The following DHDH variants were observed in gnomAD, a reference collection of about 807,000 sequenced individuals.
The protein encoded by DHDH is dihydrodiol dehydrogenase, also known as trans-1,2-dihydrobenzene-1,2-diol dehydrogenase.
In DHDH, 29 loss-of-function variants were observed where a neutral mutation model predicts 33.2. The ratio of observed to expected loss-of-function variants is 0.87; its 90% CI spans 0.65 to 1.19. The LOEUF (loss-of-function observed/expected upper bound fraction) is 1.19. Among genes scored for constraint, DHDH ranks in the 50% most tolerant of loss-of-function variants. DHDH has a pLI of 0.00. For missense variants in DHDH, 431 were observed against 455.0 expected, an observed-to-expected ratio of 0.95 and a Z score of 0.48; for synonymous variants, 201 against 187.9, an observed-to-expected ratio of 1.07 and a Z score of -0.57.
At chr19:48,939,331 C>A in intron 3 of DHDH, 118 bp from the exon 4 acceptor site, 2 of 1,222,212 alleles carry the variant, frequency 1.6e-6, no homozygotes, top group Non-Finnish European at 2.3e-6. Context: ...AAGAGGGATA[C>A]AACCTGGGGA....
In DHDH at chr19:48,935,018, C is replaced by A; in HGVS notation, c.109C>A (p.Arg37Ser). Residue 37 changes from arginine to serine, a missense_variant, in exon 2 of 7, where the codon CGC becomes AGC. Coordinates refer to ENST00000221403, the MANE Select transcript of DHDH (RefSeq NM_014475.4). ...CCTCCAGGTGGTGGCGGTGGCGGCC[C>A]GCGATCTGAGCCGTGCGAAGGAGTT... ...SEHQVVAVAA[R>S]DLSRAKEFAQ... The A allele has an allele frequency of 6.4e-7, 1 of 1,570,862 alleles. No homozygotes were observed. Among genetic ancestry groups the A allele is most frequent in the South Asian group, 1.2e-5 (1 of 83,512 alleles).
chr19:48,944,440 C>A lies in DHDH; in HGVS notation c.828C>A (p.Asp276Glu). 1 of 1,614,090 alleles carries A rather than the reference C, an allele frequency of 6.2e-7. No individual in the cohort carries two copies. Among genetic ancestry groups the A allele is most frequent in the Non-Finnish European group, 8.5e-7 (1 of 1,179,960 alleles). Reference sequence around the variant, plus strand: ...TCCCGCTGCCCCCAGTCCCAAAGGACTGCAATTTTGACAACGGGGCAGGCA... The same window carrying A: ...TCCCGCTGCCCCCAGTCCCAAAGGAATGCAATTTTGACAACGGGGCAGGCA... ...KEFPLPPVPK[D>E]CNFDNGAGMS... Residue 276 changes from aspartate to glutamate, a missense_variant, in exon 6 of 7, where the codon GAC becomes GAA. Asp to Glu is a conservative substitution (Grantham distance 45). Transcript: ENST00000221403.
intron 4 of DHDH, 41 bp downstream of exon 4, chr19:48,939,742 T>TTCTG (rs1449981708): frequency 6.5e-7 from 1 of 1,547,452 alleles, no homozygotes; most frequent in Non-Finnish European, 8.7e-7. Flanking sequence ...ATGGGAATGA[T>TTCTG]TCTGTCTCTC....
intron 4 of DHDH, among the ~76,000 whole-genome samples, chr19:48,940,079 G>T (rs942381500): frequency 6.6e-6 from 1 of 152,154 alleles, no homozygotes; most frequent in Non-Finnish European, 1.5e-5. Context: ...ACTTGGCCAG[G>T]CGTGGTGGCT....
In DHDH at chr19:48,939,592, T is replaced by TC. The variant is rs1555793822; in HGVS notation, c.510_511insC (p.Gly171ArgfsTer35). On this transcript the variant is annotated frameshift_variant, in exon 4 of 7. Coordinates refer to ENST00000221403, the MANE Select transcript of DHDH (RefSeq NM_014475.4). LOFTEE classifies it high-confidence loss of function. ...CCCGGGCCGTAGACCGGGCCCAGGC[T>TC]GGGGGGGCCCTGCTGGACATCGGCA... 14 of 1,613,794 alleles carry TC rather than the reference T, an allele frequency of 8.7e-6. No homozygotes were observed. The East Asian group carries it at 1.3e-4, about 15-fold the overall frequency.
At position 48,944,689 on chromosome 19, in the gene DHDH, A is replaced by G. The variant is rs965338086; in HGVS notation, c.896-135A>G. On this transcript the variant is annotated intron_variant, in intron 6 of 6. Transcript: ENST00000221403. ...AGACTCTCACTCCAAAAAAAGAACT[A>G]TATCTCTCAGGAACCCCTGCAGCAT... 2.8e-5 allele frequency: 33 copies of G among 1,184,470 alleles called. No individual in the cohort carries two copies. In the Middle Eastern group the frequency reaches 8.7e-4, roughly 31 times the overall value. The allele number at this position is 1,184,470 out of a possible 1,614,324, so 73.4% of individuals were successfully genotyped here.
chr19:48,939,845 G>A (rs2037833157), intron 4 of DHDH, 144 bp downstream of exon 4: 3 of 1,239,244 alleles, frequency 2.4e-6, no homozygotes, highest in Admixed American at 2.4e-5. Flanking sequence ...GAGAGGATCA[G>A]AGTCAAGACT....
At chr19:48,942,681 T>A in intron 5 of DHDH, 117 bp downstream of exon 5, 1 of 1,451,098 alleles carries the variant, frequency 6.9e-7, no homozygotes, top group South Asian at 1.4e-5. Flanking sequence ...TGCTAAAGAG[T>A]TCCTCCTTAA....
intron 2 of DHDH, among the ~76,000 whole-genome samples, chr19:48,935,800 A>G (rs926258904): frequency 1.3e-5 from 2 of 152,020 alleles, no homozygotes; most frequent in East Asian, 3.9e-4. Flanking sequence ...CTGGGCGAAG[A>G]GTGAGACTCC....
chr19:48,933,556 G>A (rs548351455), upstream of DHDH: 1 of 635,858 alleles, frequency 1.6e-6, no homozygotes, highest in Non-Finnish European at 2.8e-6. Context: ...TTCGCCCAGC[G>A]GGGAAGCTAG....
At chr19:48,939,324 A>G in intron 3 of DHDH, 125 bp from the exon 4 acceptor site, 1 of 1,117,260 alleles carries the variant, frequency 9.0e-7, no homozygotes, top group Non-Finnish European at 1.3e-6. Context: ...CAGGAGCAAG[A>G]GGGATACAAC....
At chr19:48,935,152 G>T in intron 2 of DHDH, 41 bp downstream of exon 2, 1 of 1,478,504 alleles carries the variant, frequency 6.8e-7, no homozygotes. Flanking sequence ...CGCCGCCCCT[G>T]GAGCGGTGCC....
intron 3 of DHDH, among the ~76,000 whole-genome samples, chr19:48,939,053 C>T (rs750767410): frequency 1.3e-5 from 2 of 152,086 alleles, no homozygotes; most frequent in African/African-American, 4.8e-5. Context: ...GGCTTCAACA[C>T]GTGAATTGTG....
intron 3 of DHDH, among the ~76,000 whole-genome samples, chr19:48,936,972 C>T (rs931247158): frequency 5.7e-4 from 86 of 151,736 alleles, no homozygotes; most frequent in African/African-American, 2.0e-3. Context: ...TTAGTAGAGA[C>T]GGGGTTTCAC....
In DHDH at chr19:48,936,044, T is replaced by C. The variant is rs539497291; in HGVS notation, c.215T>C (p.Ile72Thr). Residue 72 changes from isoleucine to threonine, a missense_variant, in exon 3 of 7, where the codon ATT becomes ACT. By Grantham distance (89) the Ile-to-Thr change is moderately conservative (BLOSUM62 -1). Coordinates refer to ENST00000221403, the MANE Select transcript of DHDH (RefSeq NM_014475.4). ...AKDPSVEVAY[I>T]GTQHPQHKAA... is the part of the protein sequence containing the mutation. ...ACTCCCACCCTAGAGGTGGCCTACATTGGCACCCAGCACCCCCAGCACAAG... is the reference window on the plus strand; with the variant it reads ...ACTCCCACCCTAGAGGTGGCCTACACTGGCACCCAGCACCCCCAGCACAAG... 30 of 1,603,154 alleles carry C rather than the reference T, an allele frequency of 1.9e-5. 1 individual carries two copies. The highest frequency in any genetic ancestry group is 6.9e-5 in the Admixed American group (4 of 58,188).
chr19:48,940,372 C>T (rs2037842523), intron 4 of DHDH, among the ~76,000 whole-genome samples: 1 of 151,478 alleles, frequency 6.6e-6, no homozygotes. Context: ...AAAAAAGCTG[C>T]CCCACTTTGC....
At position 48,937,010 on chromosome 19, in the gene DHDH, A is replaced by T. The variant is rs1600083963; in HGVS notation, c.366+815A>T. ...TGTTGGCCAGGCTGGTCTCAAACTC[A>T]TGACTGCAAGTGATCCTCCTGCCGC... On this transcript the variant is annotated intron_variant, in intron 3 of 6. Coordinates refer to ENST00000221403, the MANE Select transcript of DHDH (RefSeq NM_014475.4). Among the ~76,000 whole-genome samples, 4 of 151,900 alleles carry T rather than the reference A, an allele frequency of 2.6e-5. No homozygotes were observed. The East Asian group carries it at 8.0e-4, about 30-fold the overall frequency.
rs147341040 is a variant in DHDH, at chr19:48,936,182, T to A, written c.353T>A (p.Leu118His). The A allele has an allele frequency of 8.1e-6, 13 of 1,596,104 alleles. No individual in the cohort carries two copies. The highest frequency in any genetic ancestry group is 1.1e-5 in the Non-Finnish European group (13 of 1,172,886). ...EMVAEARSRA[L>H]FLMEAIWTRF... The stretch of plus-strand genomic sequence containing the variant: ...GTCGCGGAGGCCCGATCCCGAGCCC[T>A]CTTCCTTATGGAGGTGAGGGCAGAG... Residue 118 changes from leucine (L) to histidine (H), a missense_variant, in exon 3 of 7, where the codon CTC becomes CAC. Coordinates refer to ENST00000221403, the MANE Select transcript of DHDH (RefSeq NM_014475.4).
chr19:48,942,409 G>C (rs200683752), intron 4 of DHDH, 31 bp from the exon 5 acceptor site: 1 of 1,562,076 alleles, frequency 6.4e-7, no homozygotes, highest in African/African-American at 1.3e-5. Flanking sequence ...TGCCCTGAGA[G>C]ACCCTGCCCT....
Sources: gnomAD v4.1 joint callset for allele counts (sites outside exome capture counted in the v4.1 genomes callset) on GRCh38, gnomAD v4.1.1 for gene constraint, MANE v1.5 for transcripts, NCBI Gene and HGNC (gene_info 2026-07-23, HGNC 2026-07-21) for gene names.